Variants in NRXN1 observed in about 807,000 individuals in gnomAD.
NRXN1 encodes neurexin 1.
A neutral mutation model predicts 150.9 loss-of-function variants in NRXN1; 39 were observed. That is an observed-to-expected ratio of 0.26 (90% confidence interval 0.20 to 0.34). The LOEUF (loss-of-function observed/expected upper bound fraction) is 0.34, where lower values mean the gene tolerates loss of function less well. Ranked by LOEUF, NRXN1 falls within the 10% of genes least tolerant of loss-of-function variation. The pLI, the probability that NRXN1 is intolerant of heterozygous loss-of-function variation, is 1.00. For missense variants in NRXN1, 1,815 were observed against 1,949.9 expected (o/e 0.93, Z 1.30); for synonymous variants, 924 against 757.0 (o/e 1.22, Z -3.62).
At chr2:50,379,025 G>GT in intron 17 of NRXN1, among the ~76,000 whole-genome samples, 1 of 152,012 alleles carries the variant, frequency 6.6e-6, no homozygotes, top group Non-Finnish European at 1.5e-5. Flanking sequence ...CCTTAGAAGA[G>GT]TATCTGTCAT....
intron 17 of NRXN1, among the ~76,000 whole-genome samples, chr2:50,326,712 C>A (rs949426304): frequency 1.1e-4 from 17 of 152,108 alleles, no homozygotes; most frequent in Admixed American, 1.1e-3. Context: ...ATTCTATGTA[C>A]ATAATTATAT....
At chr2:50,551,077 G>A (rs7573546) in intron 9 of NRXN1, among the ~76,000 whole-genome samples, 11,254 of 45,618 alleles carry the variant, frequency 0.25, 582 homozygotes, top group East Asian at 0.46. Flanking sequence ...AAGAAGAAGA[G>A]GAGGAGGAGG....
At chr2:50,416,370 C>A (rs1572891023) in intron 17 of NRXN1, among the ~76,000 whole-genome samples, 1 of 152,174 alleles carries the variant, frequency 6.6e-6, no homozygotes, top group East Asian at 1.9e-4. Context: ...AATGTGACTG[C>A]TGGCCTCTGT....
At chr2:51,012,756 A>G (rs1417560524) in intron 2 of NRXN1, among the ~76,000 whole-genome samples, 1 of 152,088 alleles carries the variant, frequency 6.6e-6, no homozygotes, top group Non-Finnish European at 1.5e-5. Context: ...AGATGAGGCT[A>G]GATTTCTGGT....
chr2:51,008,278 G>T (rs897581592), intron 2 of NRXN1, among the ~76,000 whole-genome samples: 2 of 151,782 alleles, frequency 1.3e-5, no homozygotes, highest in African/African-American at 4.8e-5. Flanking sequence ...AAAAAGAAGG[G>T]GTTTACTTTT....
intron 5 of NRXN1, among the ~76,000 whole-genome samples, chr2:50,642,862 G>A (rs191972608): frequency 2.6e-5 from 4 of 151,956 alleles, no homozygotes; most frequent in African/African-American, 9.6e-5. Flanking sequence ...CAATATGTGT[G>A]GAGGAAAAGC....
intron 18 of NRXN1, among the ~76,000 whole-genome samples, chr2:50,170,275 T>G (rs2059948539): frequency 6.6e-6 from 1 of 151,892 alleles, no homozygotes; most frequent in African/African-American, 2.4e-5. Context: ...GAAATACTCA[T>G]TAGAACATTT....
intron 8 of NRXN1, chr2:50,619,520 G>A (rs11891598): frequency 0.014 from 2,293 of 163,300 alleles, 50 homozygotes; most frequent in African/African-American, 0.051. Context: ...ACTTCCTCCA[G>A]AATGTGTTGA....
At chr2:50,980,571 T>G (rs1384606831) in intron 2 of NRXN1, among the ~76,000 whole-genome samples, 1 of 152,116 alleles carries the variant, frequency 6.6e-6, no homozygotes, top group Non-Finnish European at 1.5e-5. Context: ...TAATAACCAC[T>G]ACTGTAACAT....
intron 8 of NRXN1, among the ~76,000 whole-genome samples, chr2:50,563,104 A>T (rs556580206): frequency 6.6e-6 from 1 of 152,290 alleles, no homozygotes; most frequent in Admixed American, 6.5e-5. Context: ...TAACTTATAA[A>T]TTTTTTTGTC....
At chr2:50,235,401 T>C (rs2152877298) in intron 18 of NRXN1, among the ~76,000 whole-genome samples, 1 of 152,152 alleles carries the variant, frequency 6.6e-6, no homozygotes, top group South Asian at 2.1e-4. Flanking sequence ...TAAATTGAAA[T>C]TTTACTATGG....
intron 21 of NRXN1, among the ~76,000 whole-genome samples, chr2:49,963,131 T>C (rs1335935707): frequency 2.8e-4 from 43 of 152,208 alleles, no homozygotes; most frequent in Admixed American, 2.7e-3. Flanking sequence ...AATCTTATTT[T>C]TCAATCCTCA....
At chr2:50,832,661 AAAACAAAC>A (rs148515428) in intron 5 of NRXN1, among the ~76,000 whole-genome samples, 5 of 152,058 alleles carry the variant, frequency 3.3e-5, no homozygotes, top group African/African-American at 4.8e-5. Context: ...TCCCGTCTCA[AAAACAAAC>A]AAACAAACAA....
chr2:49,936,068 C>G (rs1487019241), intron 22 of NRXN1, among the ~76,000 whole-genome samples: 1 of 152,190 alleles, frequency 6.6e-6, no homozygotes, highest in Non-Finnish European at 1.5e-5. Flanking sequence ...TACATACAGG[C>G]TGCCTAAAAA....
At chr2:50,527,285 T>C (rs1047762255) in intron 12 of NRXN1, among the ~76,000 whole-genome samples, 1 of 152,162 alleles carries the variant, frequency 6.6e-6, no homozygotes, top group African/African-American at 2.4e-5. Flanking sequence ...CCTGCATCTA[T>C]GCCCCCAGCT....
intron 21 of NRXN1, among the ~76,000 whole-genome samples, chr2:50,048,200 A>G (rs1692137159): frequency 6.6e-6 from 1 of 152,214 alleles, no homozygotes. Context: ...GTTCAGGAGA[A>G]CATGCCTTTG....
At position 49,937,359 on chromosome 2, in the gene NRXN1, T is replaced by C. The variant is rs12622157; in HGVS notation, c.4216+6345A>G. 2.6e-3 allele frequency among the ~76,000 whole-genome samples: 393 copies of C among 152,262 alleles called. 3 individuals are homozygous for C. The highest frequency in any genetic ancestry group is 0.022 in the East Asian group (114 of 5,160). ...ATCTGGCCCACCTCTCCTATTGCAA[T>C]AGCCTTGACTAAATCTTCCTTGCCT... On this transcript the variant is annotated intron_variant, in intron 22 of 22. Transcript: ENST00000401669.
At chr2:50,033,744 T>C (rs899491844) in intron 21 of NRXN1, among the ~76,000 whole-genome samples, 2 of 151,900 alleles carry the variant, frequency 1.3e-5, no homozygotes, top group African/African-American at 4.8e-5. Context: ...AAAGGTCTAA[T>C]GTCCACCATC....
intron 21 of NRXN1, among the ~76,000 whole-genome samples, chr2:50,037,490 T>G (rs1690221162): frequency 6.6e-6 from 1 of 152,294 alleles, no homozygotes; most frequent in East Asian, 1.9e-4. Flanking sequence ...GGTTTTTCAT[T>G]CTGGGTTTTC....
Sources: gnomAD v4.1 joint callset for allele counts (sites outside exome capture counted in the v4.1 genomes callset) on GRCh38, gnomAD v4.1.1 for gene constraint, MANE v1.5 for transcripts, NCBI Gene and HGNC (gene_info 2026-07-23, HGNC 2026-07-21) for gene names.